RIF1: variants seen among roughly 807,000 people sequenced by gnomAD.
RIF1 encodes the protein telomere-associated protein RIF1.
A neutral mutation model predicts 247.1 loss-of-function variants in RIF1; 45 were observed. The observed-to-expected ratio is 0.18, with a 90% CI of 0.14 to 0.23. The LOEUF is 0.23. RIF1 is among the 10% of genes least tolerant of loss of function. The pLI is 1.00. For synonymous variants in RIF1, 1,087 were observed against 978.8 expected (o/e 1.11, Z -2.06); for missense variants, 2,967 against 2,862.5 (o/e 1.04, Z -0.83).
At chr2:151,496,337 G>A in intron 10 of RIF1, 5 of 1,611,382 alleles carry the variant, frequency 3.1e-6, no homozygotes, top group Non-Finnish European at 4.2e-6. Context: ...AGCTAAAGGA[G>A]TTCCCTTGCC....
rs1558969078 is a variant in RIF1, at chr2:151,438,685, TGTG to T, written c.1488_1490del (p.Val498del). ...ACTCAAGTTTATTTTGTTTGACAGATGTGGTTGTCAGTGCTATCTGGAAGGAGC... is the reference window on the plus strand; with the variant it reads ...ACTCAAGTTTATTTTGTTTGACAGATGTTGTCAGTGCTATCTGGAAGGAGC... On this transcript the variant is annotated inframe_deletion and splice_region_variant, in exon 14 of 36. Coordinates refer to ENST00000444746, the MANE Select transcript of RIF1 (RefSeq NM_018151.5). The T allele has an allele frequency of 4.3e-6, 7 of 1,609,468 alleles. No homozygotes were observed. Among genetic ancestry groups the T allele is most frequent in the Non-Finnish European group, 6.0e-6 (7 of 1,175,796 alleles).
intron 10 of RIF1, chr2:151,496,894 A>C (rs2060576645): frequency 6.8e-7 from 1 of 1,479,832 alleles, no homozygotes; most frequent in South Asian, 1.2e-5. Flanking sequence ...ATCATGAAAT[A>C]GTTTTTAAAA....
intron 11 of RIF1, 47 bp from the exon 12 acceptor site, chr2:151,436,780 A>G (rs1691298922): frequency 2.9e-6 from 4 of 1,392,488 alleles, no homozygotes; most frequent in Non-Finnish European, 3.9e-6. Flanking sequence ...GGTAGCTAAT[A>G]TAAAATGAGC....
chr2:151,461,248 A>G lies in RIF1; in HGVS notation c.3186A>G (p.Arg1062=), dbSNP rs1489132713. 1 of 1,613,118 alleles carries G rather than the reference A, an allele frequency of 6.2e-7. No individual in the cohort carries two copies. Among genetic ancestry groups the G allele is most frequent in the African/African-American group, 1.3e-5 (1 of 74,894 alleles). ...IPPEGKDAKE[R]ILTDHQKEVL... ...CAGAAGGAAAAGATGCAAAGGAAAG[A>G]ATATTAACTGATCATCAAAAAGAAG... Residue 1062 remains arginine (R), a synonymous_variant, in exon 27 of 36, where the codon AGA becomes AGG. Transcript: ENST00000444746.
rs1489266866 is a variant in RIF1, at chr2:151,494,090, G to A, written c.*416-1139G>A. On this transcript the variant is annotated intron_variant and NMD_transcript_variant, in intron 9 of 13. Coordinates refer to the RIF1 transcript ENST00000454583. ...TTTGTTTGTTTTTAACCTGGGACAG[G>A]GTTAGGAGCAGGCCAAACTGCAAGA... The A allele has an allele frequency of 2.2e-5, 29 of 1,290,780 alleles. No individual in the cohort carries two copies. The South Asian group carries it at 3.7e-4, about 16-fold the overall frequency. The allele number at this position is 1,290,780 out of a possible 1,614,324, so 80.0% of individuals were successfully genotyped here. A position where few individuals can be genotyped will look rare whatever the true frequency, so the allele number is the denominator to read the frequency against.
chr2:151,510,833 T>A (rs1488161712), downstream of RIF1, among the ~76,000 whole-genome samples: 1 of 152,190 alleles, frequency 6.6e-6, no homozygotes, highest in Non-Finnish European at 1.5e-5. Context: ...CTGTATAGTA[T>A]CCTAAATTTG....
downstream of RIF1, among the ~76,000 whole-genome samples, chr2:151,511,552 C>A (rs1469485607): frequency 1.3e-5 from 2 of 152,176 alleles, no homozygotes; most frequent in Admixed American, 6.5e-5. Context: ...GAATCTACAT[C>A]CCCAGGTGCC....
chr2:151,502,820 G>A, intron 11 of RIF1: 1 of 1,604,880 alleles, frequency 6.2e-7, no homozygotes, highest in Non-Finnish European at 8.5e-7. Context: ...GATTGCGTTT[G>A]ACTCTCTCCA....
At chr2:151,438,309 A>G (rs959078346) in intron 13 of RIF1, among the ~76,000 whole-genome samples, 6 of 152,020 alleles carry the variant, frequency 3.9e-5, no homozygotes, top group Admixed American at 3.3e-4. Context: ...TGAGAGTGCT[A>G]TCTTTACAAA....
intron 9 of RIF1, chr2:151,493,305 G>A: frequency 7.2e-7 from 1 of 1,391,304 alleles, no homozygotes; most frequent in Non-Finnish European, 1.0e-6. Flanking sequence ...ATGTTAAAAT[G>A]TTATTTTCCA....
At position 151,490,396 on chromosome 2, in the gene RIF1, C is replaced by T. The variant is rs745909054; in HGVS notation, c.*416-4833C>T. 8.2e-6 allele frequency: 13 copies of T among 1,592,576 alleles called. No homozygotes were observed. Among genetic ancestry groups the T allele is most frequent in the South Asian group, 4.6e-5 (4 of 87,500 alleles). ...CCTGTTGAGACTGCAAAGACACCCC[C>T]GTCGCTGTAAGTCGAAAGGTGGTGG... On this transcript the variant is annotated intron_variant and NMD_transcript_variant, in intron 9 of 13. Coordinates refer to the RIF1 transcript ENST00000454583.
chr2:151,437,097 A>G, intron 12 of RIF1, 94 bp downstream of exon 12: 2 of 1,270,198 alleles, frequency 1.6e-6, no homozygotes, highest in Non-Finnish European at 2.2e-6. Context: ...TCGCAGCCAA[A>G]ATATTTTACA....
the RIF1 span, among the ~76,000 whole-genome samples, chr2:151,533,147 T>C: frequency 3.3e-5 from 5 of 152,326 alleles, no homozygotes; most frequent in Admixed American, 3.3e-4. Context: ...ATCTATTTCT[T>C]TGAGGCAAAT....
rs778666699 is a variant in RIF1, at chr2:151,505,496, C to T, written c.*862-714C>T. On this transcript the variant is annotated intron_variant and NMD_transcript_variant, in intron 12 of 13. Transcript: ENST00000454583. ...CCACTACCGAGCTAATGTGCTTCTG[C>T]GTCTCCTTCACACGTTTCACTTCAG... The T allele has an allele frequency of 7.4e-6, 12 of 1,613,384 alleles. No homozygotes were observed. The highest frequency in any genetic ancestry group is 4.4e-5 in the South Asian group (4 of 91,030).
At chr2:151,492,792 A>G (rs372259638) in intron 9 of RIF1, 1 of 234,232 alleles carries the variant, frequency 4.3e-6, no homozygotes, top group South Asian at 1.2e-4. Context: ...CAGCATCAAC[A>G]TATTCGATGG....
downstream of RIF1, among the ~76,000 whole-genome samples, chr2:151,483,763 C>T (rs537356539): frequency 4.6e-5 from 7 of 152,246 alleles, no homozygotes; most frequent in Admixed American, 1.3e-4. Context: ...GTCGAGTGGC[C>T]GGTGAGCAAG....
At chr2:151,492,831 G>T in intron 9 of RIF1, 1 of 189,912 alleles carries the variant, frequency 5.3e-6, no homozygotes, top group Non-Finnish European at 1.1e-5. Flanking sequence ...ACATTGTAGG[G>T]AATTTGAAAG....
In RIF1 at chr2:151,465,212, A is replaced by T. The variant is rs762729434; in HGVS notation, c.5692A>T (p.Thr1898Ser). The change falls in exon 30 of 36, where the codon ACT (threonine) becomes TCT (serine). Residue 1898 changes from threonine to serine, a missense_variant. Physicochemically the swap from Thr to Ser is moderately conservative, Grantham distance 58. Coordinates refer to ENST00000444746, the MANE Select transcript of RIF1 (RefSeq NM_018151.5). Reference protein sequence around the residue: ...PKMELSLENVTVEGNACKVTE... With the variant: ...PKMELSLENVSVEGNACKVTE... ...AATGGAACTGAGTCTAGAGAATGTTACTGTTGAAGGAAATGCATGTAAAGT... is the reference window on the plus strand; with the variant it reads ...AATGGAACTGAGTCTAGAGAATGTTTCTGTTGAAGGAAATGCATGTAAAGT... The T allele has an allele frequency of 1.9e-6, 3 of 1,611,804 alleles. No homozygotes were observed. The South Asian group carries it at 3.3e-5, about 18-fold the overall frequency.
intron 8 of RIF1, among the ~76,000 whole-genome samples, chr2:151,425,949 G>C (rs546703341): frequency 6.6e-6 from 1 of 151,368 alleles, no homozygotes; most frequent in Admixed American, 6.6e-5. Flanking sequence ...AAAGTGCTGG[G>C]ATTGCAGGCG....
Sources: gnomAD v4.1 joint callset for allele counts (sites outside exome capture counted in the v4.1 genomes callset) on GRCh38, gnomAD v4.1.1 for gene constraint, MANE v1.5 for transcripts, NCBI Gene and HGNC (gene_info 2026-07-23, HGNC 2026-07-21) for gene names.